INTS4: variants seen among roughly 807,000 people sequenced by gnomAD.
INTS4 encodes MSTP093.
A neutral mutation model predicts 119.5 loss-of-function variants in INTS4; 70 were observed. The ratio of observed to expected loss-of-function variants is 0.59; its 90% CI spans 0.48 to 0.71. The LOEUF (loss-of-function observed/expected upper bound fraction) is 0.71, where lower values mean the gene tolerates loss of function less well. Among genes scored for constraint, INTS4 ranks in the 30% least tolerant of loss-of-function variants. INTS4 has a pLI of 0.00. For synonymous variants in INTS4, 316 were observed against 419.6 expected (o/e 0.75, Z 3.02); for missense variants, 867 against 1,173.2 (o/e 0.74, Z 3.81).
chr11:77,966,763 T>A (rs1378154666), intron 4 of INTS4, among the ~76,000 whole-genome samples: 1 of 152,220 alleles, frequency 6.6e-6, no homozygotes, highest in Non-Finnish European at 1.5e-5. Flanking sequence ...TGCTATTAAG[T>A]CTTTTGTGGT....
chr11:77,916,446 G>C (rs1237634724), intron 15 of INTS4, among the ~76,000 whole-genome samples: 1 of 152,156 alleles, frequency 6.6e-6, no homozygotes, highest in Non-Finnish European at 1.5e-5. Flanking sequence ...GTAAACAATG[G>C]TAAATATCTG....
At chr11:77,967,734 A>G (rs2136606117) in intron 4 of INTS4, among the ~76,000 whole-genome samples, 1 of 152,304 alleles carries the variant, frequency 6.6e-6, no homozygotes, top group East Asian at 1.9e-4. Flanking sequence ...AAAATATCAG[A>G]TAAAACCAGA....
intron 2 of INTS4, among the ~76,000 whole-genome samples, chr11:77,989,004 C>G (rs1414645420): frequency 6.6e-6 from 1 of 151,942 alleles, no homozygotes; most frequent in Admixed American, 6.6e-5. Context: ...TAAATATCAA[C>G]TAATTCTTAG....
chr11:77,930,634 G>GA (rs1440502116), intron 10 of INTS4, among the ~76,000 whole-genome samples: 2 of 152,150 alleles, frequency 1.3e-5, no homozygotes, highest in African/African-American at 4.8e-5. Flanking sequence ...TACTTTGCCT[G>GA]AACGGCCAGA....
chr11:77,890,409 T>G (rs1374533473), intron 21 of INTS4, among the ~76,000 whole-genome samples: 5 of 152,094 alleles, frequency 3.3e-5, no homozygotes, highest in African/African-American at 1.2e-4. Context: ...GCATCCCTGC[T>G]TTGACTCATA....
chr11:77,909,996 G>C (rs574056964), intron 15 of INTS4, among the ~76,000 whole-genome samples: 1 of 152,200 alleles, frequency 6.6e-6, no homozygotes, highest in East Asian at 1.9e-4. Context: ...CTGTTGGTGG[G>C]ACTGTAAACT....
chr11:77,916,692 C>T (rs1452833328), intron 15 of INTS4, among the ~76,000 whole-genome samples: 5 of 152,198 alleles, frequency 3.3e-5, no homozygotes, highest in Admixed American at 6.5e-5. Flanking sequence ...ACATGGACTA[C>T]GAAACTGACA....
chr11:77,922,169 A>C (rs1214581847), intron 13 of INTS4, among the ~76,000 whole-genome samples, 187 bp downstream of exon 13: 1 of 151,088 alleles, frequency 6.6e-6, no homozygotes, highest in Non-Finnish European at 1.5e-5. Context: ...CAGAGGTTTC[A>C]GTGAGCCGAG....
intron 21 of INTS4, among the ~76,000 whole-genome samples, chr11:77,887,609 T>C (rs1159218526): frequency 6.6e-6 from 1 of 152,094 alleles, no homozygotes; most frequent in Non-Finnish European, 1.5e-5. Flanking sequence ...GGGTATTCAA[T>C]TAGGAAAAGA....
intron 2 of INTS4, among the ~76,000 whole-genome samples, chr11:77,990,684 T>TA (rs1856643460): frequency 1.6e-5 from 1 of 63,910 alleles, no homozygotes; most frequent in African/African-American, 7.4e-5. Context: ...AGACTCTGTC[T>TA]CCAAAAAAAA....
chr11:77,940,520 G>A (rs1423728434), intron 9 of INTS4, among the ~76,000 whole-genome samples: 2 of 152,196 alleles, frequency 1.3e-5, no homozygotes, highest in Non-Finnish European at 2.9e-5. Flanking sequence ...GGTAACTGCT[G>A]CTGAAAAGGA....
intron 15 of INTS4, among the ~76,000 whole-genome samples, chr11:77,911,705 G>T (rs1018183476): frequency 6.6e-6 from 1 of 152,180 alleles, no homozygotes; most frequent in Non-Finnish European, 1.5e-5. Context: ...ACAATTCTCA[G>T]GAAGCCTCAG....
At chr11:77,937,210 CA>C (rs1035148539) in intron 10 of INTS4, among the ~76,000 whole-genome samples, 14 of 149,100 alleles carry the variant, frequency 9.4e-5, no homozygotes, top group Admixed American at 2.0e-4. Flanking sequence ...GAAATAATAG[CA>C]AAAAAAAAAT....
chr11:77,931,167 T>G (rs986504250), intron 10 of INTS4, among the ~76,000 whole-genome samples: 3 of 152,092 alleles, frequency 2.0e-5, no homozygotes, highest in Non-Finnish European at 2.9e-5. Flanking sequence ...ATGTGATCCC[T>G]AAAAACAATA....
intron 14 of INTS4, among the ~76,000 whole-genome samples, chr11:77,920,212 T>TATATATACACATATATATACACAC (rs1432071373): frequency 0.014 from 2,026 of 142,358 alleles, 25 homozygotes; most frequent in African/African-American, 0.02. Context: ...TATACACACA[T>TATATATACACATATATATACACAC]ATATATACAC....
At chr11:77,952,667 C>A (rs1294050123) in intron 8 of INTS4, among the ~76,000 whole-genome samples, 1 of 152,050 alleles carries the variant, frequency 6.6e-6, no homozygotes, top group Non-Finnish European at 1.5e-5. Context: ...TCAGATTTAA[C>A]ATGAAATTGT....
chr11:77,904,803 A>G (rs1429432434), intron 16 of INTS4, among the ~76,000 whole-genome samples: 4 of 152,208 alleles, frequency 2.6e-5, no homozygotes. Context: ...GGAAGTGATT[A>G]GCGTGTTTTG....
At chr11:77,944,440 C>T (rs764687004) in intron 8 of INTS4, among the ~76,000 whole-genome samples, 11 of 152,162 alleles carry the variant, frequency 7.2e-5, no homozygotes, top group Non-Finnish European at 1.3e-4. Flanking sequence ...TTCTCTTTCT[C>T]TGCATCGCTA....
intron 22 of INTS4, among the ~76,000 whole-genome samples, chr11:77,883,403 T>C (rs1449438934): frequency 1.3e-5 from 2 of 152,094 alleles, no homozygotes; most frequent in African/African-American, 2.4e-5. Context: ...TGAAAAAAAA[T>C]ATTTTTAAAA....
Sources: allele counts gnomAD v4.1 joint callset (sites outside exome capture counted in the v4.1 genomes callset), GRCh38; gene constraint gnomAD v4.1.1; transcripts MANE v1.5; gene names NCBI Gene and HGNC (gene_info 2026-07-23, HGNC 2026-07-21).